The following PCDHGA1 variants were observed in gnomAD, a reference collection of about 807,000 sequenced individuals.
The protein encoded by PCDHGA1 is protocadherin gamma subfamily A, 1.
PCDHGA1 carries 32 observed loss-of-function variants against 58.0 expected under a neutral mutation model. The ratio of observed to expected loss-of-function variants is 0.55; its 90% CI spans 0.42 to 0.74. PCDHGA1 has a LOEUF of 0.74. Ranked by LOEUF, PCDHGA1 falls within the 30% of genes least tolerant of loss-of-function variation. The probability of loss-of-function intolerance (pLI) is 0.00; values close to 1 mark genes in which losing one functional copy is unlikely to be tolerated. For missense variants in PCDHGA1, 1,205 were observed against 1,182.3 expected (o/e 1.02, Z -0.28); for synonymous variants, 498 against 501.1 (o/e 0.99, Z 0.08).
At chr5:141,421,363 G>T (rs749916401) in intron 1 of PCDHGA1, 2 of 1,613,898 alleles carry the variant, frequency 1.2e-6, no homozygotes, top group South Asian at 2.2e-5. Flanking sequence ...GGGCTCCTTC[G>T]TGGGCAATAT....
chr5:141,423,539 T>C (rs747825176), intron 1 of PCDHGA1: 10 of 1,613,140 alleles, frequency 6.2e-6, no homozygotes, highest in Non-Finnish European at 8.5e-6. Flanking sequence ...CACCTGATTT[T>C]CCCCCAGCCC....
intron 1 of PCDHGA1, chr5:141,388,466 G>A (rs1426666369): frequency 6.2e-7 from 1 of 1,613,812 alleles, no homozygotes. Flanking sequence ...ACCCTGAGAT[G>A]GTATTGAAGA....
intron 1 of PCDHGA1, among the ~76,000 whole-genome samples, chr5:141,381,134 C>T (rs1034042035): frequency 2.0e-5 from 3 of 152,196 alleles, no homozygotes; most frequent in African/African-American, 7.2e-5. Context: ...GGAGCAATGC[C>T]ACCAGAAAGC....
At position 141,365,599 on chromosome 5, in the gene PCDHGA1, C is replaced by G. The variant is rs368039042; in HGVS notation, c.2421+32494C>G. On this transcript the variant is annotated intron_variant, in intron 1 of 3. Transcript: ENST00000517417. ...CTTCAGATTATAATATCACTTTAAC[C>G]GTCATGGACCATGGAACCCCGCCCC... is the stretch of plus-strand genomic sequence containing the variant. 1.4e-4 allele frequency: 222 copies of G among 1,613,638 alleles called. 2 individuals carry two copies. In the South Asian group the frequency reaches 2.3e-3, roughly 17 times the overall value.
At chr5:141,457,393 T>G (rs1299068071) in intron 1 of PCDHGA1, among the ~76,000 whole-genome samples, 1 of 152,228 alleles carries the variant, frequency 6.6e-6, no homozygotes, top group African/African-American at 2.4e-5. Flanking sequence ...AGCATATTGA[T>G]TCACATTTTC....
chr5:141,421,507 G>A lies in PCDHGA1; in HGVS notation c.2422-73300G>A, dbSNP rs758920296. On this transcript the variant is annotated intron_variant, in intron 1 of 3. Coordinates refer to ENST00000517417, the MANE Select transcript of PCDHGA1 (RefSeq NM_018912.3). ...GATCACGGCAGGCAGGATAGACCGG[G>A]AGGAGCTCTGTGAGACGGTGTCCTC... The A allele has an allele frequency of 6.8e-6, 11 of 1,614,070 alleles. No homozygotes were observed. The South Asian group carries it at 1.2e-4, about 18-fold the overall frequency.
In PCDHGA1 at chr5:141,477,013, T is replaced by A. The variant is rs1285961519; in HGVS notation, c.2422-17794T>A. On this transcript the variant is annotated intron_variant, in intron 1 of 3. Coordinates refer to ENST00000517417, the MANE Select transcript of PCDHGA1 (RefSeq NM_018912.3). This position sits in a 1 kb window ranked among gnomAD's most constrained non-coding sequence, Gnocchi z 4.9. ...TGCGGCAACTATTCGCCTTAGACCT[T>A]GTAACCGGGATGCTGACAATCAAGG... is the stretch of plus-strand genomic sequence containing the variant. 6.2e-7 allele frequency: 1 copy of A among 1,614,204 alleles called. No individual in the cohort carries two copies. The highest frequency in any genetic ancestry group is 2.2e-5 in the East Asian group (1 of 44,878).
intron 1 of PCDHGA1, chr5:141,377,207 A>G (rs1170353646): frequency 6.6e-6 from 1 of 152,122 alleles, no homozygotes; most frequent in Non-Finnish European, 1.5e-5. Context: ...GATTGAGTAC[A>G]TCTCGTTTCT....
chr5:141,507,075 C>T (rs1006779614), intron 3 of PCDHGA1: 25 of 152,176 alleles, frequency 1.6e-4, no homozygotes, highest in Admixed American at 1.1e-3. Context: ...CCTGGCTCAA[C>T]TCCTAAGTTT....
intron 1 of PCDHGA1, chr5:141,360,434 C>T (rs761392081): frequency 1.9e-6 from 3 of 1,613,956 alleles, no homozygotes; most frequent in East Asian, 2.2e-5. Context: ...GGGAAGCAGC[C>T]TCTGTGTGTT....
chr5:141,435,290 A>G (rs2097756551), intron 1 of PCDHGA1, among the ~76,000 whole-genome samples: 1 of 152,158 alleles, frequency 6.6e-6, no homozygotes, highest in African/African-American at 2.4e-5. Context: ...ATCCCAAGTC[A>G]TTTCATGGTT....
At chr5:141,475,910 G>A in intron 1 of PCDHGA1, 1 of 588,414 alleles carries the variant, frequency 1.7e-6, no homozygotes, top group South Asian at 2.3e-5. Context: ...GTCGGCCAAT[G>A]AAGACGCTGG....
chr5:141,438,450 A>G (rs1017249043), intron 1 of PCDHGA1, among the ~76,000 whole-genome samples: 32 of 151,738 alleles, frequency 2.1e-4, no homozygotes, highest in African/African-American at 7.5e-4. Flanking sequence ...ACTCAATACA[A>G]TGCTTGAGTT....
In PCDHGA1 at chr5:141,332,573, G is replaced by A. The variant is rs768722392; in HGVS notation, c.1889G>A (p.Arg630Gln). ...CACACGGGCGAGGTGCGCACGGCGC[G>A]AGCCCTGCTGGACAGAGACGCGCTC... The part of the protein sequence containing the change: ...GLHTGEVRTA[R>Q]ALLDRDALKQ... Residue 630 changes from arginine to glutamine, a missense_variant, in exon 1 of 4, where the codon CGA (arginine) becomes CAA (glutamine). Physicochemically the swap from Arg to Gln is conservative, Grantham distance 43 (BLOSUM62 1). Transcript: ENST00000517417. This position sits in a 1 kb window ranked among gnomAD's most constrained non-coding sequence, Gnocchi z 4.6. 4.2e-5 allele frequency: 68 copies of A among 1,612,426 alleles called. No individual in the cohort carries two copies. Among genetic ancestry groups the A allele is most frequent in the South Asian group, 2.0e-4 (18 of 90,992 alleles).
At chr5:141,420,945 G>C in intron 1 of PCDHGA1, 1 of 396,520 alleles carries the variant, frequency 2.5e-6, no homozygotes, top group South Asian at 5.1e-5. Flanking sequence ...ATTTCTTCTG[G>C]AATTTCTTAG....
At chr5:141,510,816 A>G (rs1478938067) in intron 3 of PCDHGA1, 131 bp from the exon 4 acceptor site, 2 of 1,547,282 alleles carry the variant, frequency 1.3e-6, no homozygotes, top group Non-Finnish European at 1.8e-6. Context: ...GGTGACCCCT[A>G]TATTCCCAGT....
intron 1 of PCDHGA1, chr5:141,492,069 C>A (rs1595083522): frequency 2.1e-6 from 1 of 475,880 alleles, no homozygotes; most frequent in East Asian, 3.3e-5. Context: ...GCCTCCTAGG[C>A]GCCGGCTCCG....
At chr5:141,409,592 A>G in intron 1 of PCDHGA1, 1 of 1,613,898 alleles carries the variant, frequency 6.2e-7, no homozygotes, top group African/African-American at 1.3e-5. Flanking sequence ...CGTGGCCGAG[A>G]ACAACCCGCC....
chr5:141,379,107 T>G (rs74510444), intron 1 of PCDHGA1: 16 of 152,328 alleles, frequency 1.1e-4, no homozygotes, highest in African/African-American at 3.6e-4. Context: ...AAAAAGCAAT[T>G]GAGAAGATAC....
Sources: allele counts gnomAD v4.1 joint callset (sites outside exome capture counted in the v4.1 genomes callset), GRCh38; gene constraint gnomAD v4.1.1; non-coding constraint Gnocchi (gnomAD v3.1); transcripts MANE v1.5; gene names NCBI Gene and HGNC (gene_info 2026-07-23, HGNC 2026-07-21).